Variants in HYCC1 observed in about 807,000 individuals in gnomAD.
HYCC1 encodes hyccin PI4KA lipid kinase complex subunit 1.
At chr7:22,996,582 G>A in the HYCC1 span, among the ~76,000 whole-genome samples, 90 of 114,636 alleles carry the variant, frequency 7.9e-4, no homozygotes, top group African/African-American at 3.0e-3. Flanking sequence ...TCCTTACCAC[G>A]TACAGTACAA....
the HYCC1 span, among the ~76,000 whole-genome samples, chr7:22,951,404 A>C: frequency 1.3e-5 from 2 of 151,876 alleles, no homozygotes; most frequent in South Asian, 2.1e-4. Context: ...TTACAAACTT[A>C]TTTGTGAAAA....
At chr7:22,919,219 T>C in the HYCC1 span, among the ~76,000 whole-genome samples, 5 of 152,100 alleles carry the variant, frequency 3.3e-5, no homozygotes, top group African/African-American at 9.7e-5. Flanking sequence ...CTCAAGTAAA[T>C]GATGCATTAA....
chr7:22,999,547 T>C, the HYCC1 span, among the ~76,000 whole-genome samples: 7 of 152,196 alleles, frequency 4.6e-5, no homozygotes, highest in South Asian at 6.2e-4. Flanking sequence ...ACATATTCAC[T>C]GAACAGGATG....
chr7:22,971,401 C>T, the HYCC1 span, among the ~76,000 whole-genome samples: 4 of 150,264 alleles, frequency 2.7e-5, no homozygotes, highest in Non-Finnish European at 4.4e-5. Flanking sequence ...GGAAACAGGC[C>T]GGGTGTGGTG....
chr7:22,920,622 AG>A, the HYCC1 span, among the ~76,000 whole-genome samples: 1 of 152,258 alleles, frequency 6.6e-6, no homozygotes, highest in Non-Finnish European at 1.5e-5. Flanking sequence ...GACCAAAGGA[AG>A]TTCTTCAGGC....
At chr7:22,902,631 T>C in the HYCC1 span, among the ~76,000 whole-genome samples, 1 of 152,098 alleles carries the variant, frequency 6.6e-6, no homozygotes, top group East Asian at 1.9e-4. Context: ...GCCATATATA[T>C]GGTTATTTTT....
At chr7:22,933,587 C>T in the HYCC1 span, among the ~76,000 whole-genome samples, 1 of 151,960 alleles carries the variant, frequency 6.6e-6, no homozygotes, top group East Asian at 1.9e-4. Flanking sequence ...AGGCATGTCT[C>T]TTGTAGTCAC....
At chr7:22,997,170 A>T in the HYCC1 span, among the ~76,000 whole-genome samples, 9 of 152,276 alleles carry the variant, frequency 5.9e-5, no homozygotes, top group African/African-American at 2.2e-4. Context: ...GTTATTAATA[A>T]CAATTACCAA....
chr7:22,931,951 T>C, the HYCC1 span, among the ~76,000 whole-genome samples: 4 of 152,156 alleles, frequency 2.6e-5, no homozygotes, highest in Non-Finnish European at 5.9e-5. Flanking sequence ...AGGTGTGAGA[T>C]AAATTGAGAA....
chr7:23,001,899 T>TC, the HYCC1 span, among the ~76,000 whole-genome samples: 1 of 151,538 alleles, frequency 6.6e-6, no homozygotes, highest in East Asian at 1.9e-4. Flanking sequence ...GCAAACATTT[T>TC]TTTTTTTTAA....
chr7:22,977,289 G>C, the HYCC1 span: 11 of 1,097,434 alleles, frequency 1.0e-5, no homozygotes, highest in Admixed American at 1.7e-5. Flanking sequence ...ATAACTTGTG[G>C]CAATATCAAA....
chr7:22,979,792 C>G, the HYCC1 span, among the ~76,000 whole-genome samples: 20 of 151,972 alleles, frequency 1.3e-4, no homozygotes, highest in Non-Finnish European at 2.6e-4. Flanking sequence ...GCTTTATAAC[C>G]CATTTAAAAT....
chr7:22,959,977 G>A, the HYCC1 span, among the ~76,000 whole-genome samples: 7 of 152,166 alleles, frequency 4.6e-5, no homozygotes, highest in Non-Finnish European at 8.8e-5. Flanking sequence ...AAATGTATGA[G>A]TAATTTTAAA....
the HYCC1 span, chr7:23,013,999 T>C: frequency 2.1e-6 from 1 of 471,124 alleles, no homozygotes; most frequent in South Asian, 1.5e-5. Context: ...GAGGCTGCTC[T>C]GCTTCCTCCC....
At chr7:22,962,833 T>C in the HYCC1 span, among the ~76,000 whole-genome samples, 152 of 136,470 alleles carry the variant, frequency 1.1e-3, 1 homozygote, top group Admixed American at 2.5e-3. Flanking sequence ...AGAACTGTAC[T>C]GCTGGAGGAA....
chr7:22,906,344 A>G, the HYCC1 span, among the ~76,000 whole-genome samples: 32,606 of 152,074 alleles, frequency 0.21, 3,657 homozygotes, highest in East Asian at 0.37. Flanking sequence ...TTGGGAGACC[A>G]AGGCAGGCGG....
At chr7:22,963,737 A>C in the HYCC1 span, among the ~76,000 whole-genome samples, 3 of 152,172 alleles carry the variant, frequency 2.0e-5, no homozygotes, top group Admixed American at 6.5e-5. Flanking sequence ...ATTGCAAAAA[A>C]CTTGACAAAA....
chr7:22,990,124 C>T, the HYCC1 span, among the ~76,000 whole-genome samples: 3 of 152,120 alleles, frequency 2.0e-5, no homozygotes, highest in Non-Finnish European at 4.4e-5. Context: ...TCTACATTAA[C>T]TTTGTAGTTT....
At chr7:22,954,538 A>C in the HYCC1 span, among the ~76,000 whole-genome samples, 1 of 151,386 alleles carries the variant, frequency 6.6e-6, no homozygotes, top group Admixed American at 6.6e-5. Context: ...ATATGATGGC[A>C]TCCATTAAAG....
Sources: gnomAD v4.1 joint callset for allele counts (sites outside exome capture counted in the v4.1 genomes callset) on GRCh38, gnomAD v4.1.1 for gene constraint, MANE v1.5 for transcripts, NCBI Gene and HGNC (gene_info 2026-07-23, HGNC 2026-07-21) for gene names.